Variants in LIN28B observed in about 807,000 individuals in gnomAD.
The protein encoded by LIN28B is lin-28 RNA binding posttranscriptional regulator B, also known as protein lin-28 homolog B.
LIN28B carries 5 observed loss-of-function variants against 21.9 expected under a neutral mutation model. The ratio of observed to expected loss-of-function variants is 0.23; its 90% CI spans 0.12 to 0.48. The LOEUF (loss-of-function observed/expected upper bound fraction) is 0.48. Ranked by LOEUF, LIN28B falls within the 20% of genes least tolerant of loss-of-function variation. The pLI is 0.98. For synonymous variants in LIN28B, 109 were observed against 111.3 expected (o/e 0.98, Z 0.13); for missense variants, 245 against 310.5 (o/e 0.79, Z 1.58).
At chr6:105,035,845 C>A (rs1177339365) in intron 3 of LIN28B, among the ~76,000 whole-genome samples, 2 of 152,058 alleles carry the variant, frequency 1.3e-5, no homozygotes, top group African/African-American at 2.4e-5. Context: ...ATATTTACTT[C>A]AGCTTTTACT....
intron 3 of LIN28B, chr6:104,950,579 C>T: frequency 1.1e-6 from 1 of 900,118 alleles, no homozygotes; most frequent in Non-Finnish European, 1.5e-6. Context: ...TCGCTAGAGG[C>T]ATATGAGAAC....
At chr6:105,078,333 T>C in intron 3 of LIN28B, 81 bp from the exon 4 acceptor site, 1 of 1,252,636 alleles carries the variant, frequency 8.0e-7, no homozygotes, top group Non-Finnish European at 1.1e-6. Context: ...CATTGGTAGT[T>C]TGTGTGTTTT....
chr6:105,006,943 G>A lies in LIN28B; in HGVS notation c.199-19355G>A, dbSNP rs80086204. 4.2e-3 allele frequency among the ~76,000 whole-genome samples: 644 copies of A among 152,264 alleles called. 1 individual carries two copies. Among genetic ancestry groups the A allele is most frequent in the Non-Finnish European group, 5.0e-3 (338 of 68,016 alleles). ...GGGAAATGCAAGCCTGCTTTTGTCCGGAAGACAAGGGTGACCAGAATATTT... is the reference window on the plus strand; with the variant it reads ...GGGAAATGCAAGCCTGCTTTTGTCCAGAAGACAAGGGTGACCAGAATATTT... On this transcript the variant is annotated intron_variant, in intron 2 of 3. Coordinates refer to ENST00000345080, the MANE Select transcript of LIN28B (RefSeq NM_001004317.4).
chr6:105,000,986 T>C (rs1440665210), intron 2 of LIN28B, among the ~76,000 whole-genome samples: 1 of 151,770 alleles, frequency 6.6e-6, no homozygotes, highest in South Asian at 2.1e-4. Context: ...TGAAAACATA[T>C]ATATATTGAC....
intron 2 of LIN28B, among the ~76,000 whole-genome samples, chr6:104,978,891 T>A (rs1012138901): frequency 6.6e-6 from 1 of 152,198 alleles, no homozygotes; most frequent in African/African-American, 2.4e-5. Flanking sequence ...GGGCTTAGAC[T>A]TTTTAGTCTA....
upstream of LIN28B, among the ~76,000 whole-genome samples, chr6:104,956,715 C>A (rs754177669): frequency 1.3e-5 from 2 of 152,102 alleles, no homozygotes; most frequent in Non-Finnish European, 2.9e-5. Context: ...GGAAAAAAAG[C>A]GTTAACATCG....
At chr6:105,024,015 C>T (rs1771233571) in intron 2 of LIN28B, among the ~76,000 whole-genome samples, 1 of 151,844 alleles carries the variant, frequency 6.6e-6, no homozygotes, top group Non-Finnish European at 1.5e-5. Flanking sequence ...AGGGTTTCCA[C>T]TCCATTGCCC....
At chr6:104,972,788 A>G (rs1356476611) in intron 2 of LIN28B, among the ~76,000 whole-genome samples, 1 of 152,142 alleles carries the variant, frequency 6.6e-6, no homozygotes, top group Non-Finnish European at 1.5e-5. Flanking sequence ...TTTGGATATT[A>G]TATTTAAAAG....
chr6:105,046,522 G>T (rs1051301442), intron 3 of LIN28B, among the ~76,000 whole-genome samples: 9 of 152,132 alleles, frequency 5.9e-5, no homozygotes, highest in African/African-American at 1.9e-4. Flanking sequence ...AATCCTTTGG[G>T]TATACACCCA....
chr6:105,057,476 T>C (rs1283551949), intron 3 of LIN28B, among the ~76,000 whole-genome samples: 1 of 152,212 alleles, frequency 6.6e-6, no homozygotes, highest in Non-Finnish European at 1.5e-5. Context: ...TGTTGAGTGT[T>C]TAATTTGCCT....
intron 2 of LIN28B, among the ~76,000 whole-genome samples, chr6:105,020,747 C>CTT (rs1176851045): frequency 0.032 from 2,745 of 85,438 alleles, no homozygotes; most frequent in East Asian, 0.044. Context: ...TCATTCCACT[C>CTT]TTTTTTTTTT....
intron 2 of LIN28B, among the ~76,000 whole-genome samples, chr6:105,022,754 T>A (rs143152302): frequency 3.3e-5 from 5 of 152,220 alleles, no homozygotes; most frequent in African/African-American, 1.2e-4. Context: ...GGGATTCCAG[T>A]TTCTATGGCT....
At chr6:105,053,688 T>A (rs1489040225) in intron 3 of LIN28B, among the ~76,000 whole-genome samples, 1 of 145,942 alleles carries the variant, frequency 6.9e-6, no homozygotes, top group Non-Finnish European at 1.5e-5. Context: ...TTTTTTATGG[T>A]TGTTTGTATG....
chr6:104,937,737 G>A (rs12207399), intron 2 of LIN28B, among the ~76,000 whole-genome samples: 71,427 of 151,842 alleles, frequency 0.47, 18,567 homozygotes, highest in East Asian at 0.69. Context: ...ATGAAACACT[G>A]TATTTTATGT....
At chr6:105,041,387 TTTTC>T (rs539129494) in intron 3 of LIN28B, among the ~76,000 whole-genome samples, 195 of 152,284 alleles carry the variant, frequency 1.3e-3, no homozygotes, top group African/African-American at 4.3e-3. Flanking sequence ...TTTGTTATAT[TTTTC>T]TTTCTATTTT....
chr6:104,956,878 A>G (rs1378326016), upstream of LIN28B, among the ~76,000 whole-genome samples: 2 of 152,172 alleles, frequency 1.3e-5, no homozygotes, highest in Non-Finnish European at 2.9e-5. Context: ...CAGCATTCTG[A>G]TTTATCCTAA....
chr6:105,037,654 A>G (rs1440519376), intron 3 of LIN28B, among the ~76,000 whole-genome samples: 3 of 151,434 alleles, frequency 2.0e-5, no homozygotes, highest in Admixed American at 6.6e-5. Context: ...CTGGGACTAC[A>G]CATGTGCACC....
chr6:105,013,252 C>T (rs1770959607), intron 2 of LIN28B, among the ~76,000 whole-genome samples: 1 of 151,984 alleles, frequency 6.6e-6, no homozygotes, highest in Non-Finnish European at 1.5e-5. Flanking sequence ...CTCAGGTGAT[C>T]CGCCTGCCTC....
At chr6:104,983,895 A>AT (rs1318470434) in intron 2 of LIN28B, among the ~76,000 whole-genome samples, 1 of 151,960 alleles carries the variant, frequency 6.6e-6, no homozygotes, top group African/African-American at 2.4e-5. Context: ...GGTGTTTTAA[A>AT]TTTTTTTCTG....
Sources: allele counts gnomAD v4.1 joint callset (sites outside exome capture counted in the v4.1 genomes callset), GRCh38; gene constraint gnomAD v4.1.1; transcripts MANE v1.5; gene names NCBI Gene and HGNC (gene_info 2026-07-23, HGNC 2026-07-21).